Variants in BRINP3 observed in about 807,000 individuals in gnomAD.
BRINP3 encodes the protein BMP/retinoic acid-inducible neural-specific protein 3.
In BRINP3, 19 loss-of-function variants were observed where a neutral mutation model predicts 71.0. That is an observed-to-expected ratio of 0.27 (90% CI 0.19 to 0.39). BRINP3 has a LOEUF of 0.39. BRINP3 is among the 10% of genes least tolerant of loss of function. The pLI is 1.00. For synonymous variants in BRINP3, 380 were observed against 337.7 expected (o/e 1.13, Z -1.37); for missense variants, 959 against 940.8 (o/e 1.02, Z -0.25).
intron 4 of BRINP3, among the ~76,000 whole-genome samples, chr1:190,244,965 C>T (rs1027768364): frequency 2.6e-5 from 4 of 151,808 alleles, no homozygotes; most frequent in African/African-American, 7.3e-5. Flanking sequence ...TTATTATAGC[C>T]GTTTGAAGTT....
In BRINP3 at chr1:190,235,178, T is replaced by C. The variant is rs373560367; in HGVS notation, c.619-701A>G. Among the ~76,000 whole-genome samples the C allele has an allele frequency of 2.6e-5, 4 of 152,212 alleles. No individual in the cohort carries two copies. In the East Asian group the frequency reaches 7.7e-4, roughly 29 times the overall value. On this transcript the variant is annotated intron_variant, in intron 4 of 7. Coordinates refer to ENST00000367462, the MANE Select transcript of BRINP3 (RefSeq NM_199051.3). ...AAAGTATTCCTTGATGATTTCTACC[T>C]GTGTTATTTTACCATTTCCATCCAA... is the stretch of plus-strand genomic sequence containing the variant.
rs530428175 is a variant in BRINP3 at position 190,334,138 on chromosome 1, A to G, written c.237-52388T>C. ...TAATAAAAAAGTTAAAAATCATGAA[A>G]ATTTCAGGTTAAGTTCAGATAATAA... On this transcript the variant is annotated intron_variant, in intron 2 of 7. Transcript: ENST00000367462. Among the ~76,000 whole-genome samples the G allele has an allele frequency of 5.3e-5, 8 of 151,986 alleles. No homozygotes were observed. In the East Asian group the frequency reaches 1.5e-3, roughly 29 times the overall value.
intron 2 of BRINP3, among the ~76,000 whole-genome samples, chr1:190,285,389 A>G (rs933262003): frequency 6.6e-6 from 1 of 152,134 alleles, no homozygotes; most frequent in Admixed American, 6.6e-5. Flanking sequence ...ATTAGCAACT[A>G]TAATCAGAAT....
chr1:190,447,342 G>A (rs1050323665), intron 2 of BRINP3, among the ~76,000 whole-genome samples: 2 of 142,978 alleles, frequency 1.4e-5, no homozygotes, highest in Non-Finnish European at 3.1e-5. Flanking sequence ...CAACATTTTT[G>A]AACATCTTAT....
chr1:190,379,513 C>T (rs1027959214), intron 2 of BRINP3, among the ~76,000 whole-genome samples: 1 of 151,892 alleles, frequency 6.6e-6, no homozygotes, highest in Non-Finnish European at 1.5e-5. Flanking sequence ...TGAGGGCTGA[C>T]CTAAAAGGTG....
chr1:190,446,144 A>G (rs771022386), intron 2 of BRINP3, among the ~76,000 whole-genome samples: 18 of 152,166 alleles, frequency 1.2e-4, no homozygotes, highest in South Asian at 1.0e-3. Context: ...AATTTTCCCA[A>G]TGGCAACTGT....
At chr1:190,355,348 A>G (rs967276951) in intron 2 of BRINP3, among the ~76,000 whole-genome samples, 46 of 151,858 alleles carry the variant, frequency 3.0e-4, no homozygotes, top group Non-Finnish European at 1.6e-4. Context: ...TTGACATGTC[A>G]TGGAACACCA....
intron 2 of BRINP3, among the ~76,000 whole-genome samples, chr1:190,441,295 C>T (rs1490161333): frequency 2.6e-5 from 4 of 151,964 alleles, no homozygotes; most frequent in Admixed American, 2.0e-4. Flanking sequence ...GAATGTAAGG[C>T]AGTAACATAT....
At chr1:190,235,638 TC>T (rs1658441854) in intron 4 of BRINP3, among the ~76,000 whole-genome samples, 1 of 151,994 alleles carries the variant, frequency 6.6e-6, no homozygotes, top group Non-Finnish European at 1.5e-5. Context: ...TACTTGACAT[TC>T]TGATGCCTTG....
At chr1:190,122,871 T>A (rs1003000651) in intron 7 of BRINP3, among the ~76,000 whole-genome samples, 1 of 152,128 alleles carries the variant, frequency 6.6e-6, no homozygotes, top group Non-Finnish European at 1.5e-5. Flanking sequence ...ATATAGATAG[T>A]GTTTTGTCTG....
intron 2 of BRINP3, among the ~76,000 whole-genome samples, chr1:190,444,791 C>G (rs1675098503): frequency 6.6e-6 from 1 of 152,062 alleles, no homozygotes; most frequent in Non-Finnish European, 1.5e-5. Flanking sequence ...GCCTTGGCCC[C>G]CCCAAGGTGC....
intron 2 of BRINP3, among the ~76,000 whole-genome samples, chr1:190,375,518 C>A (rs1670129046): frequency 6.6e-6 from 1 of 151,850 alleles, no homozygotes; most frequent in Non-Finnish European, 1.5e-5. Context: ...GCAGTTCGTA[C>A]TACAGATAAA....
chr1:190,290,009 G>A (rs1161616684), intron 2 of BRINP3, among the ~76,000 whole-genome samples: 1 of 151,978 alleles, frequency 6.6e-6, no homozygotes, highest in Non-Finnish European at 1.5e-5. Context: ...ATCATGAAAT[G>A]AGTAAATATT....
chr1:190,116,946 A>G (rs1241966142), intron 7 of BRINP3, among the ~76,000 whole-genome samples: 1 of 152,058 alleles, frequency 6.6e-6, no homozygotes, highest in Non-Finnish European at 1.5e-5. Context: ...AGTTATTCTC[A>G]ACTTAAAAAG....
chr1:190,257,748 T>A (rs1252334677), intron 4 of BRINP3, among the ~76,000 whole-genome samples: 1 of 152,170 alleles, frequency 6.6e-6, no homozygotes, highest in African/African-American at 2.4e-5. Flanking sequence ...CAGCTGCAGG[T>A]CTGTTGGGGT....
chr1:190,283,887 T>G (rs1319546042), intron 2 of BRINP3, among the ~76,000 whole-genome samples: 1 of 151,780 alleles, frequency 6.6e-6, no homozygotes, highest in East Asian at 1.9e-4. Flanking sequence ...ATTTAATCAA[T>G]AGAGTAACAT....
At chr1:190,110,434 T>C (rs2102278561) in intron 7 of BRINP3, among the ~76,000 whole-genome samples, 1 of 152,252 alleles carries the variant, frequency 6.6e-6, no homozygotes, top group Middle Eastern at 3.4e-3. Flanking sequence ...CAGATAAACT[T>C]TGGAAAAAAA....
intron 2 of BRINP3, among the ~76,000 whole-genome samples, chr1:190,283,403 C>T (rs181157412): frequency 2.6e-5 from 4 of 151,654 alleles, no homozygotes; most frequent in African/African-American, 7.3e-5. Flanking sequence ...ATAAAACAAC[C>T]GATCTACATA....
chr1:190,352,300 G>A (rs1480703417), intron 2 of BRINP3, among the ~76,000 whole-genome samples: 1 of 151,950 alleles, frequency 6.6e-6, no homozygotes, highest in African/African-American at 2.4e-5. Flanking sequence ...AATCTGTTTG[G>A]GTGATCCTGT....
Sources: gnomAD v4.1 joint callset for allele counts (sites outside exome capture counted in the v4.1 genomes callset) on GRCh38, gnomAD v4.1.1 for gene constraint, MANE v1.5 for transcripts, NCBI Gene and HGNC (gene_info 2026-07-23, HGNC 2026-07-21) for gene names.